The following DOCK9 variants were observed in gnomAD, a reference collection of about 807,000 sequenced individuals.
DOCK9 encodes dedicator of cytokinesis protein 9.
Under a neutral mutation model 263.3 loss-of-function variants are expected in DOCK9, and 89 were observed. The observed-to-expected ratio is 0.34, with a 90% CI of 0.28 to 0.40. The LOEUF (loss-of-function observed/expected upper bound fraction) is 0.40, where lower values mean the gene tolerates loss of function less well. Ranked by LOEUF, DOCK9 falls within the 10% of genes least tolerant of loss-of-function variation. The pLI is 1.00. For synonymous variants in DOCK9, 976 were observed against 973.1 expected (o/e 1.00, Z -0.06); for missense variants, 2,140 against 2,603.4 (o/e 0.82, Z 3.87).
chr13:98,797,053 T>C, intron 52 of DOCK9, 62 bp downstream of exon 52: 6 of 1,591,056 alleles, frequency 3.8e-6, no homozygotes, highest in Non-Finnish European at 5.2e-6. Context: ...TAAGTCATGA[T>C]AGGGTGTACT....
At chr13:98,885,431 C>T (rs1232624604) in intron 20 of DOCK9, 1 of 530,882 alleles carries the variant, frequency 1.9e-6, no homozygotes, top group Admixed American at 2.6e-5. Flanking sequence ...TGGCGAAATC[C>T]CGTCTCTACA....
At chr13:99,061,528 T>C (rs193246594) in intron 1 of DOCK9, among the ~76,000 whole-genome samples, 2 of 152,252 alleles carry the variant, frequency 1.3e-5, no homozygotes, top group African/African-American at 4.8e-5. Context: ...CAAGCAAATC[T>C]GGAATGATCA....
chr13:98,978,161 A>G, upstream of DOCK9: 1 of 1,285,984 alleles, frequency 7.8e-7, no homozygotes, highest in Non-Finnish European at 1.0e-6. Context: ...AAGGAAAACA[A>G]ACTCCAAGCT....
In DOCK9 at chr13:98,940,344, A is replaced by G. The variant is rs35084350; in HGVS notation, c.244-10087T>C. 9.2e-3 allele frequency among the ~76,000 whole-genome samples: 1,396 copies of G among 152,342 alleles called. 9 individuals carry two copies. The highest frequency in any genetic ancestry group is 0.014 in the Non-Finnish European group (964 of 68,034). ...AATTCCATTTAGGTTTCTGGAAGGGATTTAATGAAAGCCAATTCCCAAGGA... is the reference window on the plus strand; with the variant it reads ...AATTCCATTTAGGTTTCTGGAAGGGGTTTAATGAAAGCCAATTCCCAAGGA... On this transcript the variant is annotated intron_variant, in intron 2 of 52. Transcript: ENST00000682017.
At chr13:98,952,298 C>T (rs1433226173) in intron 2 of DOCK9, among the ~76,000 whole-genome samples, 8 of 151,962 alleles carry the variant, frequency 5.3e-5, no homozygotes, top group Admixed American at 6.6e-5. Flanking sequence ...TGCAGTGGCA[C>T]GATCTCAGCT....
At position 98,885,741 on chromosome 13, in the gene DOCK9, T is replaced by G; in HGVS notation, c.2227A>C (p.Ser743Arg). ...HVSCDNSSKGSTKKRDVVETQ... is the reference protein window; with the variant it reads ...HVSCDNSSKGRTKKRDVVETQ... ...TCAACGACATCCCTCTTCTTCGTGC[T>G]TCCTTTACTTGAGTTGTCACAGCTG... The change falls in exon 20 of 53, where the codon AGC (serine) becomes CGC (arginine). Residue 743 changes from serine (S) to arginine (R), a missense_variant. Coordinates refer to ENST00000682017, the MANE Select transcript of DOCK9 (RefSeq NM_001366683.2). 1 of 1,611,914 alleles carries G rather than the reference T, an allele frequency of 6.2e-7. No individual in the cohort carries two copies.
At chr13:98,800,607 G>A in intron 49 of DOCK9, 129 bp from the exon 50 acceptor site, 1 of 1,117,234 alleles carries the variant, frequency 9.0e-7, no homozygotes, top group South Asian at 1.9e-5. Context: ...GGAACCCAAA[G>A]CTTGCCAAAG....
chr13:98,933,733 T>C (rs989306419), intron 2 of DOCK9, among the ~76,000 whole-genome samples: 8 of 152,252 alleles, frequency 5.3e-5, no homozygotes, highest in African/African-American at 1.9e-4. Context: ...AGATGGCTGC[T>C]ATCCTTCCTC....
At chr13:99,041,057 G>A (rs191089624) in intron 1 of DOCK9, among the ~76,000 whole-genome samples, 1 of 152,146 alleles carries the variant, frequency 6.6e-6, no homozygotes, top group Non-Finnish European at 1.5e-5. Flanking sequence ...TGGGGCCACT[G>A]GACATCTGTG....
At chr13:99,046,366 AG>A (rs2040433248) in intron 1 of DOCK9, among the ~76,000 whole-genome samples, 1 of 152,228 alleles carries the variant, frequency 6.6e-6, no homozygotes, top group African/African-American at 2.4e-5. Context: ...TGCACAACCA[AG>A]GGCTTGGCCT....
rs145233964 is a variant in DOCK9, at chr13:98,860,997, T to TATTA, written c.3580-479_3580-476dup. Among the ~76,000 whole-genome samples the TATTA allele has an allele frequency of 3.5e-4, 53 of 152,228 alleles. No homozygotes were observed. In the East Asian group the frequency reaches 8.7e-3, roughly 25 times the overall value. On this transcript the variant is annotated intron_variant, in intron 32 of 52. Transcript: ENST00000682017. ...GAACTCTCAGTCAGTGGAGAAATCA[T>TATTA]ATTAATTTTTAAGTTAGGTCAAAAA...
At chr13:98,981,342 C>T (rs1167314532), upstream of DOCK9, among the ~76,000 whole-genome samples, 1 of 152,210 alleles carries the variant, frequency 6.6e-6, no homozygotes, top group African/African-American at 2.4e-5. Flanking sequence ...TAGATGTGAG[C>T]TACCATGCCT....
intron 1 of DOCK9, among the ~76,000 whole-genome samples, chr13:99,002,046 C>A (rs899913495): frequency 1.3e-5 from 2 of 152,192 alleles, no homozygotes; most frequent in Admixed American, 6.5e-5. Context: ...GGCACCACTA[C>A]CACGGAGTCA....
At chr13:98,954,405 C>A (rs1163778363) in intron 2 of DOCK9, among the ~76,000 whole-genome samples, 4 of 152,142 alleles carry the variant, frequency 2.6e-5, no homozygotes, top group Admixed American at 1.3e-4. Flanking sequence ...CCAAATGGAC[C>A]AAGGTGGCTC....
chr13:98,826,805 A>T, intron 44 of DOCK9, 25 bp downstream of exon 44: 1 of 1,582,132 alleles, frequency 6.3e-7, no homozygotes, highest in East Asian at 2.3e-5. Context: ...AATTAATTTC[A>T]CAAAACATGA....
chr13:99,083,880 AGTTT>A (rs2042226749), intron 1 of DOCK9, among the ~76,000 whole-genome samples: 1 of 148,810 alleles, frequency 6.7e-6, no homozygotes, highest in Non-Finnish European at 1.5e-5. Context: ...ACCCACACAT[AGTTT>A]AATTTTTTTT....
rs560005422 is a variant in DOCK9 at position 99,031,115 on chromosome 13, G to GT, written c.129+55107dup. Among the ~76,000 whole-genome samples the GT allele has an allele frequency of 3.1e-4, 41 of 133,484 alleles. 1 individual carries two copies. Among genetic ancestry groups the GT allele is most frequent in the African/African-American group, 6.2e-4 (23 of 36,832 alleles). The allele number at this position is 133,484 out of a possible 152,430, so 87.6% of individuals were successfully genotyped here. ...AAATATCTTACTTTCTGTAATTGATGTTTTTTTTAAAAAAAAGTATCCTTA... is the reference window on the plus strand; with the variant it reads ...AAATATCTTACTTTCTGTAATTGATGTTTTTTTTTAAAAAAAAGTATCCTTA... On this transcript the variant is annotated intron_variant, in intron 1 of 32. Coordinates refer to the DOCK9 transcript ENST00000427887.
At chr13:98,930,802 G>A (rs1217199590) in intron 2 of DOCK9, among the ~76,000 whole-genome samples, 3 of 151,964 alleles carry the variant, frequency 2.0e-5, no homozygotes, top group African/African-American at 7.3e-5. Context: ...GCGCCACCAC[G>A]CTCGGTTAAT....
chr13:98,902,775 G>C (rs1490808615), intron 11 of DOCK9, among the ~76,000 whole-genome samples, 197 bp downstream of exon 11: 1 of 152,166 alleles, frequency 6.6e-6, no homozygotes, highest in Non-Finnish European at 1.5e-5. Context: ...CTGGAAAGCT[G>C]AGCACAAACC....
Sources: allele counts gnomAD v4.1 joint callset (sites outside exome capture counted in the v4.1 genomes callset), GRCh38; gene constraint gnomAD v4.1.1; transcripts MANE v1.5; gene names NCBI Gene and HGNC (gene_info 2026-07-23, HGNC 2026-07-21).